The following MAGI2 variants were observed in gnomAD, a reference collection of about 807,000 sequenced individuals.
MAGI2 encodes membrane associated guanylate kinase, WW and PDZ domain containing 2, also known as membrane-associated guanylate kinase, WW and PDZ domain-containing protein 2.
In MAGI2, 35 loss-of-function variants were observed where a neutral mutation model predicts 133.3. The observed-to-expected ratio is 0.26, with a 90% CI of 0.20 to 0.35. The LOEUF (loss-of-function observed/expected upper bound fraction) is 0.35, where lower values mean the gene tolerates loss of function less well. Among genes scored for constraint, MAGI2 ranks in the 10% least tolerant of loss-of-function variants. The pLI is 1.00. For synonymous variants in MAGI2, 729 were observed against 710.6 expected (o/e 1.03, Z -0.41); for missense variants, 1,636 against 1,863.4 (o/e 0.88, Z 2.25).
At chr7:79,202,412 C>G (rs1302788111) in intron 1 of MAGI2, among the ~76,000 whole-genome samples, 2 of 151,668 alleles carry the variant, frequency 1.3e-5, no homozygotes, top group African/African-American at 4.9e-5. Flanking sequence ...ACAAACAGCC[C>G]TAATAGGGCT....
chr7:78,296,826 T>C (rs1464388892), intron 9 of MAGI2, among the ~76,000 whole-genome samples: 1 of 152,184 alleles, frequency 6.6e-6, no homozygotes, highest in Non-Finnish European at 1.5e-5. Flanking sequence ...AATACAGGAA[T>C]TGATGCCAAA....
At chr7:78,159,868 A>C in intron 16 of MAGI2, 157 bp downstream of exon 16, 1 of 875,186 alleles carries the variant, frequency 1.1e-6, no homozygotes, top group Non-Finnish European at 1.6e-6. Flanking sequence ...TCTGCTAGTC[A>C]GTGGTATGGA....
At chr7:78,192,236 C>A (rs1027155780) in intron 12 of MAGI2, among the ~76,000 whole-genome samples, 3 of 152,020 alleles carry the variant, frequency 2.0e-5, no homozygotes, top group African/African-American at 7.2e-5. Context: ...TTTCCCCCCC[C>A]AGGAAAAGAC....
intron 1 of MAGI2, among the ~76,000 whole-genome samples, chr7:79,039,133 C>G (rs558006743): frequency 1.3e-5 from 2 of 152,100 alleles, no homozygotes; most frequent in African/African-American, 4.8e-5. Flanking sequence ...CTGCTCCCCC[C>G]ATGCTGTTCT....
chr7:78,274,638 C>T (rs1485859230), intron 9 of MAGI2, among the ~76,000 whole-genome samples: 1 of 151,996 alleles, frequency 6.6e-6, no homozygotes, highest in Non-Finnish European at 1.5e-5. Flanking sequence ...ATGCCCTGCC[C>T]AGAGTTGAGG....
chr7:78,168,200 A>G (rs1446116615), intron 14 of MAGI2, 92 bp from the exon 15 acceptor site: 2 of 1,175,852 alleles, frequency 1.7e-6, no homozygotes, highest in African/African-American at 3.0e-5. Flanking sequence ...TCGTTGCCCA[A>G]GCTGAAGTAC....
rs551103519 is a variant in MAGI2 at position 78,433,231 on chromosome 7, A to G, written c.1045+56530T>C. 3.3e-5 allele frequency among the ~76,000 whole-genome samples: 5 copies of G among 152,212 alleles called. No individual in the cohort carries two copies. In the East Asian group the frequency reaches 9.7e-4, roughly 29 times the overall value. On this transcript the variant is annotated intron_variant, in intron 6 of 21. Coordinates refer to ENST00000354212, the MANE Select transcript of MAGI2 (RefSeq NM_012301.4). The stretch of plus-strand genomic sequence containing the variant: ...TCTCTTAATAACCCAATTACAGCTT[A>G]ACTACCTAAGTAGTTTTAATGGATA...
chr7:78,274,872 G>A (rs563134921), intron 9 of MAGI2, among the ~76,000 whole-genome samples: 12 of 152,304 alleles, frequency 7.9e-5, no homozygotes, highest in African/African-American at 2.6e-4. Flanking sequence ...TTAGCTTGCT[G>A]GGCTCTGTGG....
chr7:79,281,281 T>G (rs1300463729), intron 1 of MAGI2, among the ~76,000 whole-genome samples: 1 of 152,170 alleles, frequency 6.6e-6, no homozygotes, highest in African/African-American at 2.4e-5. Context: ...GCAGAGTCAA[T>G]AGATCTAGGG....
chr7:78,326,692 C>A (rs569978595), intron 9 of MAGI2, among the ~76,000 whole-genome samples: 1 of 152,158 alleles, frequency 6.6e-6, no homozygotes, highest in Non-Finnish European at 1.5e-5. Context: ...CCAATTACTA[C>A]TTTCATTCCT....
chr7:78,482,775 T>C (rs1477942587), intron 6 of MAGI2, among the ~76,000 whole-genome samples: 1 of 151,614 alleles, frequency 6.6e-6, no homozygotes, highest in Non-Finnish European at 1.5e-5. Context: ...AGCATGGCTA[T>C]GAAGGGGTAG....
chr7:79,056,149 T>C (rs1465831514), intron 1 of MAGI2, among the ~76,000 whole-genome samples: 2 of 152,140 alleles, frequency 1.3e-5, no homozygotes, highest in Non-Finnish European at 2.9e-5. Flanking sequence ...ACTCCAGCCC[T>C]TTCGGGGGCT....
intron 6 of MAGI2, among the ~76,000 whole-genome samples, chr7:78,401,353 C>T (rs1356683663): frequency 6.6e-6 from 1 of 152,150 alleles, no homozygotes; most frequent in Admixed American, 6.6e-5. Flanking sequence ...AAGATGAAAT[C>T]ACTTAATATT....
chr7:78,249,052 G>A (rs549193948), intron 10 of MAGI2, among the ~76,000 whole-genome samples: 19 of 151,928 alleles, frequency 1.3e-4, no homozygotes, highest in Middle Eastern at 3.4e-3. Context: ...AAAAAAGTGC[G>A]AAAGAGCTGA....
Position 79,453,076 on chromosome 7 carries a change from A to C in MAGI2, c.245T>G (p.Val82Gly). Residue 82 changes from valine to glycine, a missense_variant, in exon 1 of 22, where the codon GTG becomes GGG. By Grantham distance (109) the Val-to-Gly change is moderately radical (BLOSUM62 -3). Coordinates refer to ENST00000354212, the MANE Select transcript of MAGI2 (RefSeq NM_012301.4). ...CTTGCAGTGTTTGATCACGGCCAGC[A>C]CGTCCCTGATGGTGAGCCCCGCCAC... ...TPVAGLTIRD[V>G]LAVIKHCKDP... 6.2e-7 allele frequency: 1 copy of C among 1,613,256 alleles called. No homozygotes were observed. The highest frequency in any genetic ancestry group is 8.5e-7 in the Non-Finnish European group (1 of 1,179,766).
At chr7:78,735,548 A>G (rs184506991) in intron 2 of MAGI2, among the ~76,000 whole-genome samples, 2 of 152,364 alleles carry the variant, frequency 1.3e-5, no homozygotes, top group Non-Finnish European at 2.9e-5. Context: ...CTTAGAAATA[A>G]TGCTTCCAAA....
At chr7:78,435,528 A>G (rs1243791923) in intron 6 of MAGI2, among the ~76,000 whole-genome samples, 1 of 152,066 alleles carries the variant, frequency 6.6e-6, no homozygotes, top group African/African-American at 2.4e-5. Flanking sequence ...CTACTTTTAC[A>G]ACTCCATAAG....
At chr7:78,777,230 A>G (rs111652412) in intron 2 of MAGI2, among the ~76,000 whole-genome samples, 9 of 152,206 alleles carry the variant, frequency 5.9e-5, no homozygotes, top group African/African-American at 2.2e-4. Flanking sequence ...CAGCCAAAGT[A>G]TATGTTTTAA....
At chr7:79,365,927 T>A (rs1842678298) in intron 1 of MAGI2, among the ~76,000 whole-genome samples, 1 of 136,028 alleles carries the variant, frequency 7.4e-6, no homozygotes, top group South Asian at 2.4e-4. Flanking sequence ...ACTGGATGAA[T>A]TGCCAGTAAA....
Sources: gnomAD v4.1 joint callset for allele counts (sites outside exome capture counted in the v4.1 genomes callset) on GRCh38, gnomAD v4.1.1 for gene constraint, MANE v1.5 for transcripts, NCBI Gene and HGNC (gene_info 2026-07-23, HGNC 2026-07-21) for gene names.